Variants in BLTP3B observed in about 807,000 individuals in gnomAD.
BLTP3B encodes UHRF1 (ICBP90) binding protein 1-like.
the BLTP3B span, among the ~76,000 whole-genome samples, chr12:100,073,185 G>A: frequency 9.9e-5 from 15 of 152,130 alleles, no homozygotes; most frequent in African/African-American, 2.9e-4. Context: ...ATGCTTCCCC[G>A]TACGCTGTTT....
At chr12:100,087,732 A>G in the BLTP3B span, among the ~76,000 whole-genome samples, 1 of 152,214 alleles carries the variant, frequency 6.6e-6, no homozygotes, top group Non-Finnish European at 1.5e-5. Flanking sequence ...TATTAAGGAG[A>G]TATTTTGGTG....
At chr12:100,051,112 A>G in the BLTP3B span, 103 of 1,613,930 alleles carry the variant, frequency 6.4e-5, 1 homozygote, top group Middle Eastern at 1.6e-3. Flanking sequence ...CACCCTCTGA[A>G]TTTGTACTGA....
At chr12:100,115,131 C>T in the BLTP3B span, among the ~76,000 whole-genome samples, 2 of 152,192 alleles carry the variant, frequency 1.3e-5, no homozygotes, top group Admixed American at 6.5e-5. Flanking sequence ...ATCGGCCAGG[C>T]GCAGTAGCTC....
the BLTP3B span, among the ~76,000 whole-genome samples, chr12:100,110,568 C>T: frequency 5.9e-4 from 90 of 152,062 alleles, no homozygotes; most frequent in African/African-American, 2.1e-3. Context: ...AGGTCCCTGC[C>T]CTTGTGGAGT....
the BLTP3B span, chr12:100,084,745 G>T: frequency 5.2e-6 from 7 of 1,343,506 alleles, no homozygotes; most frequent in African/African-American, 1.5e-5. Context: ...AGATTTAGTC[G>T]TTTATTCAAG....
At chr12:100,072,570 TAC>T in the BLTP3B span, 19 of 1,027,486 alleles carry the variant, frequency 1.8e-5, no homozygotes, top group Non-Finnish European at 2.5e-5. Context: ...TAAGGAACAA[TAC>T]AGTTTTATTT....
chr12:100,080,531 G>A, the BLTP3B span, among the ~76,000 whole-genome samples: 2 of 152,328 alleles, frequency 1.3e-5, no homozygotes, highest in East Asian at 3.9e-4. Context: ...AGATTTGACT[G>A]TCCTGCTGGA....
chr12:100,088,126 A>AC, the BLTP3B span, among the ~76,000 whole-genome samples: 1 of 152,176 alleles, frequency 6.6e-6, no homozygotes, highest in East Asian at 1.9e-4. Context: ...GCTTAAAAAC[A>AC]CATGGCAAAA....
chr12:100,072,833 T>C, the BLTP3B span: 2 of 1,578,574 alleles, frequency 1.3e-6, no homozygotes, highest in South Asian at 1.2e-5. Flanking sequence ...TAAATAAGTT[T>C]ACTGAAATCA....
the BLTP3B span, chr12:100,093,057 A>G: frequency 3.1e-6 from 2 of 643,868 alleles, no homozygotes; most frequent in Admixed American, 6.3e-5. Context: ...GAAAATGTCC[A>G]AATTCTTCAA....
At chr12:100,070,591 C>T in the BLTP3B span, among the ~76,000 whole-genome samples, 1 of 152,110 alleles carries the variant, frequency 6.6e-6, no homozygotes, top group Non-Finnish European at 1.5e-5. Context: ...AGGAATAAAG[C>T]AATAAAACAG....
At chr12:100,069,096 G>A in the BLTP3B span, among the ~76,000 whole-genome samples, 109 of 152,202 alleles carry the variant, frequency 7.2e-4, no homozygotes, top group Middle Eastern at 6.8e-3. Context: ...AGATGCAGTG[G>A]TGCTACTCAG....
At chr12:100,091,354 A>G in the BLTP3B span, among the ~76,000 whole-genome samples, 2 of 150,648 alleles carry the variant, frequency 1.3e-5, no homozygotes, top group Non-Finnish European at 3.0e-5. Context: ...CGCCCAGCTA[A>G]TTTTTGTATT....
the BLTP3B span, among the ~76,000 whole-genome samples, chr12:100,049,805 G>C: frequency 6.6e-6 from 1 of 152,110 alleles, no homozygotes; most frequent in Non-Finnish European, 1.5e-5. Flanking sequence ...CTTGATTAAT[G>C]TGATTTTATT....
chr12:100,116,526 T>C, the BLTP3B span, among the ~76,000 whole-genome samples: 1 of 151,840 alleles, frequency 6.6e-6, no homozygotes, highest in Admixed American at 6.6e-5. Context: ...AAAAGCATTT[T>C]ACAAAAGTCA....
the BLTP3B span, among the ~76,000 whole-genome samples, chr12:100,090,826 G>A: frequency 1.3e-5 from 2 of 152,040 alleles, no homozygotes; most frequent in African/African-American, 4.8e-5. Context: ...TTATGTCTAT[G>A]ATGGTGCTAT....
chr12:100,134,566 G>A, the BLTP3B span, among the ~76,000 whole-genome samples: 1 of 151,764 alleles, frequency 6.6e-6, no homozygotes, highest in East Asian at 1.9e-4. Context: ...GCAGTGAGCT[G>A]AGATTGTGCC....
the BLTP3B span, chr12:100,037,771 G>C: frequency 2.5e-6 from 4 of 1,575,110 alleles, no homozygotes; most frequent in South Asian, 4.7e-5. Context: ...ATGATAAATG[G>C]CGGGGGGATA....
At chr12:100,045,415 A>AT in the BLTP3B span, among the ~76,000 whole-genome samples, 2 of 152,220 alleles carry the variant, frequency 1.3e-5, no homozygotes, top group African/African-American at 4.8e-5. Context: ...GGCCTGACAA[A>AT]TAACACCACA....
Sources: gnomAD v4.1 joint callset for allele counts (sites outside exome capture counted in the v4.1 genomes callset) on GRCh38, gnomAD v4.1.1 for gene constraint, MANE v1.5 for transcripts, NCBI Gene and HGNC (gene_info 2026-07-23, HGNC 2026-07-21) for gene names.